The following KAZN variants were observed in gnomAD, a reference collection of about 807,000 sequenced individuals.
KAZN encodes the protein kazrin.
KAZN carries 40 observed loss-of-function variants against 87.4 expected under a neutral mutation model. The ratio of observed to expected loss-of-function variants is 0.46; its 90% CI spans 0.36 to 0.60. The LOEUF (loss-of-function observed/expected upper bound fraction) is 0.60. KAZN is among the 20% of genes least tolerant of loss of function. KAZN has a pLI of 0.00. For missense variants in KAZN, 898 were observed against 1,073.9 expected, an observed-to-expected ratio of 0.84 and a Z score of 2.29; for synonymous variants, 466 against 458.3, an observed-to-expected ratio of 1.02 and a Z score of -0.22.
At chr1:14,106,064 A>G (rs1644367797) in intron 1 of KAZN, among the ~76,000 whole-genome samples, 1 of 152,252 alleles carries the variant, frequency 6.6e-6, no homozygotes. Flanking sequence ...AACAACAACA[A>G]TAACAAAAAT....
At chr1:14,931,891 G>A (rs569656860) in intron 1 of KAZN, among the ~76,000 whole-genome samples, 11 of 152,256 alleles carry the variant, frequency 7.2e-5, no homozygotes, top group Middle Eastern at 3.4e-3. Flanking sequence ...GTTAAATCTC[G>A]CTTTTTTTCC....
chr1:14,548,479 G>A (rs1320310916), intron 2 of KAZN, among the ~76,000 whole-genome samples: 2 of 152,076 alleles, frequency 1.3e-5, no homozygotes, highest in Admixed American at 6.6e-5. Context: ...GATTACAGGC[G>A]TGAGCTACCG....
rs1193844868 is a variant in KAZN at position 15,115,952 on chromosome 1, G to C, written c.*1317G>C. 2 of 152,188 alleles carry C rather than the reference G, an allele frequency of 1.3e-5. No homozygotes were observed. The highest frequency in any genetic ancestry group is 4.8e-5 in the African/African-American group (2 of 41,430). The allele number at this position is 152,188 out of a possible 1,614,324, so 9.4% of individuals were successfully genotyped here. A position where few individuals can be genotyped will look rare whatever the true frequency, so the allele number is the denominator to read the frequency against. ...CCAACTCTTTAGGTTGAAGCAGTGTGCAAAAGGAAGAAAAGAAATGTTTAA... is the reference window on the plus strand; with the variant it reads ...CCAACTCTTTAGGTTGAAGCAGTGTCCAAAAGGAAGAAAAGAAATGTTTAA... On this transcript the variant is annotated 3_prime_UTR_variant, in exon 15 of 15. Transcript: ENST00000376030. The surrounding 1 kb of genome is among the most constrained non-coding windows in gnomAD (Gnocchi z 4.1).
intron 8 of KAZN, among the ~76,000 whole-genome samples, chr1:15,069,450 T>C (rs2100584949): frequency 6.6e-6 from 1 of 152,336 alleles, no homozygotes; most frequent in South Asian, 2.1e-4. Flanking sequence ...AGCCAGGCCA[T>C]ACCTTATTTG....
chr1:14,903,838 G>A (rs995405733), intron 1 of KAZN, among the ~76,000 whole-genome samples: 1 of 152,174 alleles, frequency 6.6e-6, no homozygotes, highest in Non-Finnish European at 1.5e-5. Context: ...TGTTCTAAGT[G>A]CTTTTACATG....
intron 1 of KAZN, among the ~76,000 whole-genome samples, chr1:13,896,033 C>T (rs1257707077): frequency 6.6e-6 from 1 of 151,768 alleles, no homozygotes; most frequent in Non-Finnish European, 1.5e-5. Flanking sequence ...GCTTTGTCAC[C>T]CAGGCTACAG....
intron 1 of KAZN, among the ~76,000 whole-genome samples, chr1:14,805,318 C>T (rs1646173323): frequency 6.6e-6 from 1 of 152,136 alleles, no homozygotes; most frequent in African/African-American, 2.4e-5. Context: ...TCTCCATTCC[C>T]TTTGCAGCCC....
intron 2 of KAZN, among the ~76,000 whole-genome samples, chr1:14,236,146 A>G (rs183959096): frequency 1.3e-5 from 2 of 152,328 alleles, no homozygotes; most frequent in African/African-American, 2.4e-5. Context: ...ATGGGAAGAA[A>G]GTCCTATACA....
At chr1:14,805,800 A>ATAT (rs1557509132) in intron 1 of KAZN, among the ~76,000 whole-genome samples, 1 of 125,888 alleles carries the variant, frequency 7.9e-6, no homozygotes, top group Non-Finnish European at 1.7e-5. Flanking sequence ...AATAATAATA[A>ATAT]TAATAAATTA....
rs190374832 is a variant in KAZN, at chr1:15,035,357, G to A, written c.555+472G>A. Among the ~76,000 whole-genome samples the A allele has an allele frequency of 2.5e-3, 386 of 152,348 alleles. 3 individuals carry two copies. The highest frequency in any genetic ancestry group is 8.7e-3 in the African/African-American group (361 of 41,572). ...AAAAGTGTGAAGAGAGAGCTGGGGA[G>A]CCCCAGTGAGACAGCAGGAAGTTCT... On this transcript the variant is annotated intron_variant, in intron 3 of 14. Coordinates refer to ENST00000376030, the MANE Select transcript of KAZN (RefSeq NM_201628.3).
intron 2 of KAZN, among the ~76,000 whole-genome samples, chr1:14,211,446 G>T (rs1646851075): frequency 6.6e-6 from 1 of 152,094 alleles, no homozygotes; most frequent in Non-Finnish European, 1.5e-5. Flanking sequence ...GGATGGTCTC[G>T]ATCTTGTGAC....
Position 14,317,273 on chromosome 1 carries a change from A to G in KAZN, c.249+136681A>G, listed in dbSNP as rs540164891. Among the ~76,000 whole-genome samples the G allele has an allele frequency of 2.6e-5, 4 of 151,980 alleles. No individual in the cohort carries two copies. In the South Asian group the frequency reaches 8.3e-4, roughly 32 times the overall value. On this transcript the variant is annotated intron_variant, in intron 2 of 16. Transcript: ENST00000636203. ...ATTGACCCCTATATCATTGTACAAT[A>G]TTCATCTTTATCCCTCTTAATATTC...
chr1:14,523,643 C>T (rs1365632971), intron 2 of KAZN, among the ~76,000 whole-genome samples: 1 of 152,204 alleles, frequency 6.6e-6, no homozygotes, highest in Non-Finnish European at 1.5e-5. Flanking sequence ...ATTCCCAAGC[C>T]AATATTTCTT....
rs888517911 is a variant in KAZN, at chr1:14,725,047, G to A, written c.226+125824G>A. ...GAAAAATCGGTGTAAACAGGACTTC[G>A]ACCTTCATTCCTCTTGTAATTTACC... On this transcript the variant is annotated intron_variant, in intron 1 of 14. Coordinates refer to ENST00000376030, the MANE Select transcript of KAZN (RefSeq NM_201628.3). 2.0e-5 allele frequency among the ~76,000 whole-genome samples: 3 copies of A among 152,186 alleles called. No individual in the cohort carries two copies. The East Asian group carries it at 5.8e-4, about 29-fold the overall frequency.
intron 1 of KAZN, among the ~76,000 whole-genome samples, chr1:14,175,324 T>C (rs959317481): frequency 2.0e-5 from 3 of 152,172 alleles, no homozygotes; most frequent in East Asian, 3.9e-4. Context: ...AGGATGGTCT[T>C]GATCTCCTGA....
At chr1:14,149,397 A>G (rs111719154) in intron 1 of KAZN, among the ~76,000 whole-genome samples, 15,416 of 151,906 alleles carry the variant, frequency 0.1, 808 homozygotes, top group Middle Eastern at 0.13. Flanking sequence ...GTGAGCCACC[A>G]TGCCTGGCCA....
At chr1:15,060,608 TCTC>T (rs1363166523) in intron 6 of KAZN, 4 of 382,254 alleles carry the variant, frequency 1.0e-5, no homozygotes, top group Admixed American at 7.5e-5. Context: ...ACCGTGGGCT[TCTC>T]CTCCCACACA....
chr1:14,379,340 C>A (rs1661175068), intron 2 of KAZN, among the ~76,000 whole-genome samples: 1 of 151,958 alleles, frequency 6.6e-6, no homozygotes, highest in East Asian at 1.9e-4. Context: ...GGAGAGACTC[C>A]TTCCGATTGA....
intron 2 of KAZN, among the ~76,000 whole-genome samples, chr1:14,458,336 T>G (rs1667680612): frequency 6.6e-6 from 1 of 152,220 alleles, no homozygotes; most frequent in African/African-American, 2.4e-5. Flanking sequence ...AACTCTTCAT[T>G]AGTTCTAATA....
Sources: allele counts gnomAD v4.1 joint callset (sites outside exome capture counted in the v4.1 genomes callset), GRCh38; gene constraint gnomAD v4.1.1; non-coding constraint Gnocchi (gnomAD v3.1); transcripts MANE v1.5; gene names NCBI Gene and HGNC (gene_info 2026-07-23, HGNC 2026-07-21).